The following NTM variants were observed in gnomAD, a reference collection of about 807,000 sequenced individuals.
NTM encodes the protein neurotrimin.
In NTM, 13 loss-of-function variants were observed where a neutral mutation model predicts 42.1. The ratio of observed to expected loss-of-function variants is 0.31; its 90% CI spans 0.20 to 0.49. The LOEUF (loss-of-function observed/expected upper bound fraction) is 0.49. Ranked by LOEUF, NTM falls within the 20% of genes least tolerant of loss-of-function variation. The probability of loss-of-function intolerance (pLI) is 0.99; values close to 1 mark genes in which losing one functional copy is unlikely to be tolerated. For synonymous variants in NTM, 187 were observed against 179.2 expected, an observed-to-expected ratio of 1.04 and a Z score of -0.35; for missense variants, 373 against 452.8, an observed-to-expected ratio of 0.82 and a Z score of 1.60.
intron 1 of NTM, among the ~76,000 whole-genome samples, chr11:131,515,807 T>A (rs2048824950): frequency 6.6e-6 from 1 of 152,186 alleles, no homozygotes; most frequent in Non-Finnish European, 1.5e-5. Flanking sequence ...AGATTGCACA[T>A]ACAAAGCTTC....
chr11:131,678,188 GA>G (rs1236752665), intron 1 of NTM, among the ~76,000 whole-genome samples: 1 of 152,216 alleles, frequency 6.6e-6, no homozygotes, highest in Admixed American at 6.5e-5. Context: ...AGGGAGGAGA[GA>G]ACACAGGTGC....
At chr11:131,476,062 G>A (rs1952903293) in intron 1 of NTM, among the ~76,000 whole-genome samples, 1 of 152,104 alleles carries the variant, frequency 6.6e-6, no homozygotes, top group South Asian at 2.1e-4. Flanking sequence ...GAAGGAGGCA[G>A]GGAGGGAAGA....
At chr11:131,876,791 G>C (rs1449029737) in intron 1 of NTM, among the ~76,000 whole-genome samples, 3 of 151,826 alleles carry the variant, frequency 2.0e-5, no homozygotes, top group Non-Finnish European at 4.4e-5. Flanking sequence ...AAAATGTAAT[G>C]AAATAACACC....
intron 2 of NTM, among the ~76,000 whole-genome samples, chr11:132,058,169 A>T (rs1036221896): frequency 2.6e-5 from 4 of 151,874 alleles, no homozygotes; most frequent in Admixed American, 2.0e-4. Flanking sequence ...ATGTTTGGTG[A>T]TTCTGGATTG....
chr11:132,335,758 T>C lies in NTM; in HGVS notation c.*612T>C, dbSNP rs1378086786. On this transcript the variant is annotated 3_prime_UTR_variant, in exon 9 of 9. Transcript: ENST00000683400. ...TTTTTTTTTTTATCATTTTACTACA[T>C]GAACATCATGGATAACAAGGGATTC... The C allele has an allele frequency of 1.3e-5, 2 of 152,172 alleles. No homozygotes were observed. The highest frequency in any genetic ancestry group is 2.9e-5 in the Non-Finnish European group (2 of 67,982). The allele number at this position is 152,172 out of a possible 1,614,324, so 9.4% of individuals were successfully genotyped here. A position where few individuals can be genotyped will look rare whatever the true frequency, so the allele number is the denominator to read the frequency against.
At chr11:131,881,010 C>G (rs2049384595) in intron 1 of NTM, among the ~76,000 whole-genome samples, 3 of 152,186 alleles carry the variant, frequency 2.0e-5, no homozygotes, top group Admixed American at 2.0e-4. Flanking sequence ...TTATTGTCTA[C>G]TTTCTGAATG....
chr11:131,558,571 C>T (rs772763814), intron 1 of NTM, among the ~76,000 whole-genome samples: 19 of 152,078 alleles, frequency 1.2e-4, no homozygotes, highest in African/African-American at 2.4e-4. Context: ...TTGGTATACG[C>T]GCATTCTATA....
chr11:132,055,155 T>A (rs1039650043), intron 2 of NTM, among the ~76,000 whole-genome samples: 37 of 152,360 alleles, frequency 2.4e-4, no homozygotes, highest in Admixed American at 1.8e-3. Context: ...GCTGTTTCTT[T>A]GACTGTCAAT....
At chr11:131,985,187 A>T (rs1181436842) in intron 2 of NTM, among the ~76,000 whole-genome samples, 1 of 152,082 alleles carries the variant, frequency 6.6e-6, no homozygotes, top group African/African-American at 2.4e-5. Context: ...CTTTCTATCC[A>T]TTTCTTCTAG....
intron 2 of NTM, among the ~76,000 whole-genome samples, chr11:132,124,308 G>A (rs1253726051): frequency 6.6e-6 from 1 of 152,106 alleles, no homozygotes; most frequent in African/African-American, 2.4e-5. Flanking sequence ...CTCAGCAGCC[G>A]TGGCTGGGCT....
At chr11:131,812,278 A>T (rs2092768967) in intron 1 of NTM, among the ~76,000 whole-genome samples, 1 of 149,744 alleles carries the variant, frequency 6.7e-6, no homozygotes, top group Admixed American at 6.6e-5. Flanking sequence ...GGCTGCCATT[A>T]TCATATGTGG....
chr11:132,035,129 C>T (rs2076358007), intron 2 of NTM, among the ~76,000 whole-genome samples: 1 of 152,106 alleles, frequency 6.6e-6, no homozygotes, highest in South Asian at 2.1e-4. Flanking sequence ...TCTAAAAAAC[C>T]GTACATGAAC....
intron 2 of NTM, among the ~76,000 whole-genome samples, chr11:132,127,502 A>G (rs761286063): frequency 1.3e-5 from 2 of 152,176 alleles, no homozygotes; most frequent in Admixed American, 6.5e-5. Flanking sequence ...CATCCACATC[A>G]CACAATCGTG....
chr11:131,963,406 G>A lies in NTM; in HGVS notation c.167+51758G>A, dbSNP rs146840311. Among the ~76,000 whole-genome samples the A allele has an allele frequency of 1.9e-3, 294 of 152,294 alleles. 1 individual carries two copies. The highest frequency in any genetic ancestry group is 5.7e-3 in the Admixed American group (87 of 15,300). ...GGAAATATTATTTTTGTTATACTGG[G>A]TGTTAAAGAAAACATGTCCTCTGCT... is the stretch of plus-strand genomic sequence containing the variant. On this transcript the variant is annotated intron_variant, in intron 2 of 8. Transcript: ENST00000683400.
chr11:132,232,660 G>T (rs2087861899), intron 4 of NTM, among the ~76,000 whole-genome samples: 1 of 152,158 alleles, frequency 6.6e-6, no homozygotes, highest in South Asian at 2.1e-4. Flanking sequence ...AGAATATGAA[G>T]ATTAGCAACA....
At chr11:131,686,185 C>T (rs567020906) in intron 1 of NTM, among the ~76,000 whole-genome samples, 1 of 152,394 alleles carries the variant, frequency 6.6e-6, no homozygotes, top group South Asian at 2.1e-4. Flanking sequence ...CTGTCAGGAA[C>T]TACAGTTGAC....
chr11:131,880,510 A>G (rs1005216340), intron 1 of NTM, among the ~76,000 whole-genome samples: 3 of 152,242 alleles, frequency 2.0e-5, no homozygotes, highest in African/African-American at 7.2e-5. Context: ...GCTGGGGATT[A>G]GCAGAGAAGC....
At chr11:132,250,250 A>G (rs1326308465) in intron 4 of NTM, among the ~76,000 whole-genome samples, 2 of 152,094 alleles carry the variant, frequency 1.3e-5, no homozygotes, top group Middle Eastern at 3.2e-3. Context: ...TTTTATTTCC[A>G]TGAACGTTTT....
At chr11:132,172,968 C>T (rs1204571749) in intron 3 of NTM, among the ~76,000 whole-genome samples, 2 of 152,156 alleles carry the variant, frequency 1.3e-5, no homozygotes, top group African/African-American at 2.4e-5. Flanking sequence ...TACCAAAGGA[C>T]CAGTATAAAA....
Sources: gnomAD v4.1 joint callset for allele counts (sites outside exome capture counted in the v4.1 genomes callset) on GRCh38, gnomAD v4.1.1 for gene constraint, MANE v1.5 for transcripts, NCBI Gene and HGNC (gene_info 2026-07-23, HGNC 2026-07-21) for gene names.